Variants in PRKAG3 observed in about 807,000 individuals in gnomAD.
The protein encoded by PRKAG3 is 5'-AMP-activated protein kinase subunit gamma-3.
A neutral mutation model predicts 56.5 loss-of-function variants in PRKAG3; 39 were observed. That is an observed-to-expected ratio of 0.69 (90% CI 0.53 to 0.90). The LOEUF is 0.90. Ranked by LOEUF, PRKAG3 falls within the 40% of genes least tolerant of loss-of-function variation. PRKAG3 has a pLI of 0.00. For missense variants in PRKAG3, 628 were observed against 627.5 expected (o/e 1.00, Z -0.01); for synonymous variants, 243 against 250.1 (o/e 0.97, Z 0.27).
chr2:218,823,439 G>T (rs527966670), exon 13 of PRKAG3: 32 of 378,352 alleles, frequency 8.5e-5, no homozygotes, highest in African/African-American at 5.8e-4. Context: ...CTTTTAGCCG[G>T]GGCTTTGTCC....
In PRKAG3 at chr2:218,827,652, G is replaced by A. The variant is rs373788052; in HGVS notation, c.821-23C>T. 3.7e-6 allele frequency: 6 copies of A among 1,613,276 alleles called. No individual in the cohort carries two copies. The South Asian group carries it at 5.5e-5, about 15-fold the overall frequency. ...TCTCTGCAGAAAGAGCCAGAGTCAGGCCAGGGGAGCCGGTCACCTGCCTCA... is the reference window on the plus strand; with the variant it reads ...TCTCTGCAGAAAGAGCCAGAGTCAGACCAGGGGAGCCGGTCACCTGCCTCA... On this transcript the variant is annotated intron_variant, in intron 7 of 12. Coordinates refer to ENST00000529249, the Ensembl canonical transcript of PRKAG3. This position sits in a 1 kb window ranked among gnomAD's most constrained non-coding sequence, Gnocchi z 5.3.
chr2:218,824,491 C>T (rs1238570449), intron 11 of PRKAG3, 48 bp downstream of exon 11: 2 of 1,606,046 alleles, frequency 1.2e-6, no homozygotes, highest in East Asian at 2.2e-5. Flanking sequence ...CACCCATCCC[C>T]ACACCCTTAG....
chr2:218,828,555 C>T, exon 5 of PRKAG3: 1 of 1,613,850 alleles, frequency 6.2e-7, no homozygotes, highest in African/African-American at 1.3e-5. Context: ...CATAGAGGGG[C>T]TGCCCGCACA....
rs1054925241 is a variant in PRKAG3, at chr2:218,827,171, T to C, written c.1002+76A>G. The C allele has an allele frequency of 6.2e-7, 1 of 1,613,050 alleles. No individual in the cohort carries two copies. The highest frequency in any genetic ancestry group is 1.3e-5 in the African/African-American group (1 of 74,918). ...GCTCCCAGCTCTTCCCCACGACTGCTAGGGCTGAAGACTCCTCAGGCCCTC... is the reference window on the plus strand; with the variant it reads ...GCTCCCAGCTCTTCCCCACGACTGCCAGGGCTGAAGACTCCTCAGGCCCTC... On this transcript the variant is annotated intron_variant, in intron 9 of 12. Coordinates refer to ENST00000529249, the Ensembl canonical transcript of PRKAG3. The surrounding 1 kb of genome is among the most constrained non-coding windows in gnomAD (Gnocchi z 5.3).
At chr2:218,828,659 T>C in intron 4 of PRKAG3, 59 bp from the exon 5 acceptor site, 1 of 1,421,688 alleles carries the variant, frequency 7.0e-7, no homozygotes. Context: ...CCCCCCTCTC[T>C]GCCCCTCAGT....
chr2:218,827,348 T>C lies in PRKAG3; in HGVS notation c.901A>G (p.Ile301Val), dbSNP rs772093732. The change falls in exon 9 of 13, where the codon ATC becomes GTC. Residue 301 changes from isoleucine to valine, a missense_variant. By Grantham distance (29) the Ile-to-Val change is conservative. Coordinates refer to ENST00000529249, the Ensembl canonical transcript of PRKAG3. The surrounding 1 kb of genome is among the most constrained non-coding windows in gnomAD (Gnocchi z 5.3). ...GGCAGGCGATGGATCCGGTTCTTGA[T>C]GAGGGTGTAGACAGCTTCAAACAGG... The C allele has an allele frequency of 6.2e-7, 1 of 1,614,046 alleles. No homozygotes were observed. Among genetic ancestry groups the C allele is most frequent in the Non-Finnish European group, 8.5e-7 (1 of 1,180,002 alleles).
In PRKAG3 at chr2:218,824,383, G is replaced by A. The variant is rs777933860; in HGVS notation, c.1207-15C>T. On this transcript the variant is annotated splice_polypyrimidine_tract_variant and intron_variant, in intron 11 of 12. Transcript: ENST00000529249. ...GCAGCCAGGTGCTGGGGCAGAGAGA[G>A]AAGTATGGCTCCTAGTCACCCCCTT... 17 of 1,614,010 alleles carry A rather than the reference G, an allele frequency of 1.1e-5. No individual in the cohort carries two copies. Among genetic ancestry groups the A allele is most frequent in the Non-Finnish European group, 1.4e-5 (17 of 1,180,022 alleles).
chr2:218,829,285 G>A (rs1434277669), intron 4 of PRKAG3, among the ~76,000 whole-genome samples: 3 of 151,606 alleles, frequency 2.0e-5, no homozygotes, highest in Non-Finnish European at 4.4e-5. Flanking sequence ...CTGTTACCAA[G>A]AGAGTCCCCT....
intron 3 of PRKAG3, 132 bp from the exon 4 acceptor site, chr2:218,830,513 G>C: frequency 7.9e-7 from 1 of 1,268,188 alleles, no homozygotes. Flanking sequence ...GTGAGGGGCT[G>C]ACCTGAGAGT....
At chr2:218,830,665 G>A (rs1944007743) in intron 3 of PRKAG3, 81 bp downstream of exon 3, 2 of 1,508,830 alleles carry the variant, frequency 1.3e-6, no homozygotes, top group Non-Finnish European at 1.8e-6. Context: ...GGAGGGACCT[G>A]AGGTAGAGAC....
chr2:218,828,693 T>C lies in PRKAG3; in HGVS notation c.634-93A>G. The C allele has an allele frequency of 2.7e-6, 3 of 1,110,916 alleles. No homozygotes were observed. The South Asian group carries it at 4.5e-5, about 17-fold the overall frequency. The allele number at this position is 1,110,916 out of a possible 1,614,324, so 68.8% of individuals were successfully genotyped here. ...GTGCGCACCTCCCATCTGCCTGCTGTCCCCTCCCTGTCCCACCCAGGGTTC... is the reference window on the plus strand; with the variant it reads ...GTGCGCACCTCCCATCTGCCTGCTGCCCCCTCCCTGTCCCACCCAGGGTTC... On this transcript the variant is annotated intron_variant, in intron 4 of 12. Transcript: ENST00000529249.
exon 4 of PRKAG3, chr2:218,829,991 T>C: frequency 6.2e-7 from 1 of 1,613,474 alleles, no homozygotes; most frequent in Non-Finnish European, 8.5e-7. Flanking sequence ...CAGCATGGTG[T>C]CGAAGATGAC....
intron 12 of PRKAG3, 27 bp downstream of exon 12, chr2:218,824,195 G>C: frequency 6.2e-7 from 1 of 1,614,058 alleles, no homozygotes; most frequent in East Asian, 2.2e-5. Context: ...ATATGTGTTG[G>C]GGGCATGAAT....
At chr2:218,828,519 C>A in exon 5 of PRKAG3, 1 of 1,612,930 alleles carries the variant, frequency 6.2e-7, no homozygotes, top group Non-Finnish European at 8.5e-7. Flanking sequence ...CTCTCCTCAC[C>A]CACAAAGCTC....
rs932733353 is a variant in PRKAG3, at chr2:218,829,419, C to A, written c.633+559G>T. ...CACTGCAACCTCTGCCTCCTGGGTTCAAGTGATTCGCCTACCTCAGCCTCC... is the reference window on the plus strand; with the variant it reads ...CACTGCAACCTCTGCCTCCTGGGTTAAAGTGATTCGCCTACCTCAGCCTCC... On this transcript the variant is annotated intron_variant, in intron 4 of 12. Coordinates refer to ENST00000529249, the Ensembl canonical transcript of PRKAG3. Among the ~76,000 whole-genome samples, 4 of 151,628 alleles carry A rather than the reference C, an allele frequency of 2.6e-5. No individual in the cohort carries two copies. In the South Asian group the frequency reaches 8.3e-4, roughly 32 times the overall value.
intron 4 of PRKAG3, among the ~76,000 whole-genome samples, chr2:218,829,075 T>A (rs764927444): frequency 1.1e-4 from 16 of 152,210 alleles, no homozygotes; most frequent in Non-Finnish European, 2.4e-4. Context: ...TATATTTTTT[T>A]AACACAGCCT....
chr2:218,826,793 G>T, intron 10 of PRKAG3, 135 bp downstream of exon 10: 1 of 1,181,216 alleles, frequency 8.5e-7, no homozygotes, highest in East Asian at 2.5e-5. Flanking sequence ...CAGAGTAGAC[G>T]GAGACTTCTA....
downstream of PRKAG3, chr2:218,823,066 G>A: frequency 2.1e-6 from 2 of 962,276 alleles, no homozygotes; most frequent in Non-Finnish European, 2.5e-6. Flanking sequence ...ATTTGGGAGG[G>A]CTGAAGAAGC....
rs761539858 is a variant in PRKAG3 at position 218,827,110 on chromosome 2, C to A, written c.1003-17G>T. 4 of 1,612,888 alleles carry A rather than the reference C, an allele frequency of 2.5e-6. No individual in the cohort carries two copies. In the South Asian group the frequency reaches 4.4e-5, roughly 18 times the overall value. ...CAGGGAACCCTGGTTAGGATGGGGA[C>A]CAGGTGGAGATCAGGGATCCAGCAG... On this transcript the variant is annotated splice_polypyrimidine_tract_variant and intron_variant, in intron 9 of 12. Coordinates refer to ENST00000529249, the Ensembl canonical transcript of PRKAG3. The surrounding 1 kb of genome is among the most constrained non-coding windows in gnomAD (Gnocchi z 5.3).
Sources: allele counts gnomAD v4.1 joint callset (sites outside exome capture counted in the v4.1 genomes callset), GRCh38; gene constraint gnomAD v4.1.1; non-coding constraint Gnocchi (gnomAD v3.1); transcripts MANE v1.5; gene names NCBI Gene and HGNC (gene_info 2026-07-23, HGNC 2026-07-21).